Variants in MRC1 observed in about 807,000 individuals in gnomAD.
MRC1 encodes macrophage mannose receptor 1.
MRC1 carries 62 observed loss-of-function variants against 102.9 expected under a neutral mutation model. The ratio of observed to expected loss-of-function variants is 0.60; its 90% CI spans 0.49 to 0.74. MRC1 has a LOEUF of 0.74. Ranked by LOEUF, MRC1 falls within the 30% of genes least tolerant of loss-of-function variation. The pLI, the probability that MRC1 is intolerant of heterozygous loss-of-function variation, is 0.00. For missense variants in MRC1, 1,237 were observed against 862.8 expected (o/e 1.43, Z -5.43); for synonymous variants, 457 against 298.4 (o/e 1.53, Z -5.48).
chr10:17,829,323 C>G (rs1478082686), intron 3 of MRC1, among the ~76,000 whole-genome samples: 6 of 151,506 alleles, frequency 4.0e-5, no homozygotes, highest in Non-Finnish European at 8.8e-5. Context: ...ACTTATTTAT[C>G]TCTCTGGATT....
rs879206058 is a variant in MRC1 at position 17,884,606 on chromosome 10, C to A, written c.2981-663C>A. Among the ~76,000 whole-genome samples, 417 of 152,212 alleles carry A rather than the reference C, an allele frequency of 2.7e-3. 1 individual carries two copies. The highest frequency in any genetic ancestry group is 5.0e-3 in the Non-Finnish European group (342 of 68,004). On this transcript the variant is annotated intron_variant, in intron 21 of 29. Coordinates refer to ENST00000569591, the MANE Select transcript of MRC1 (RefSeq NM_002438.4). ...CACATGGTGGCAGGAGAGAGAAGTG[C>A]AAAGCAAAGCATTAAAAGATAAAAC...
intron 11 of MRC1, among the ~76,000 whole-genome samples, chr10:17,864,686 AAGTGC>A (rs1833236363): frequency 6.6e-6 from 1 of 151,900 alleles, no homozygotes; most frequent in Non-Finnish European, 1.5e-5. Flanking sequence ...AAAATTAGCC[AAGTGC>A]AGTGGTGCGT....
intron 22 of MRC1, among the ~76,000 whole-genome samples, chr10:17,888,406 C>T (rs1833629713): frequency 6.6e-6 from 1 of 152,114 alleles, no homozygotes. Context: ...GGCTGTGATT[C>T]ACTGTAGCTC....
intron 26 of MRC1, among the ~76,000 whole-genome samples, chr10:17,904,280 C>A (rs1833868839): frequency 6.6e-6 from 1 of 152,096 alleles, no homozygotes; most frequent in Admixed American, 6.5e-5. Context: ...CCTTTTATTT[C>A]CACTGGAAGT....
chr10:17,870,730 A>C, intron 13 of MRC1, 118 bp from the exon 14 acceptor site: 1 of 783,208 alleles, frequency 1.3e-6, no homozygotes, highest in Non-Finnish European at 2.4e-6. Context: ...AAATCTCTTT[A>C]CTTGTGTACT....
At chr10:17,902,159 C>A (rs1343194472) in intron 26 of MRC1, 37 bp downstream of exon 26, 6 of 770,724 alleles carry the variant, frequency 7.8e-6, no homozygotes, top group Non-Finnish European at 1.2e-5. Flanking sequence ...ACTCCATAAT[C>A]ATCTATTCTG....
intron 3 of MRC1, among the ~76,000 whole-genome samples, chr10:17,832,832 G>A (rs990867321): frequency 6.6e-6 from 1 of 151,868 alleles, no homozygotes; most frequent in African/African-American, 2.4e-5. Context: ...CTTGTGATCC[G>A]CCAGCCTCGG....
Position 17,855,982 on chromosome 10 carries a change from A to G in MRC1, c.1408-260A>G, listed in dbSNP as rs926305417. Reference sequence around the variant, plus strand: ...TCAGGAGTTCAAGACCAGCCTGGCCAACATGGTGAAACCCCATCTCTACTA... The same window carrying G: ...TCAGGAGTTCAAGACCAGCCTGGCCGACATGGTGAAACCCCATCTCTACTA... On this transcript the variant is annotated intron_variant, in intron 8 of 29. Coordinates refer to ENST00000569591, the MANE Select transcript of MRC1 (RefSeq NM_002438.4). 1.2e-3 allele frequency among the ~76,000 whole-genome samples: 185 copies of G among 152,128 alleles called. 1 individual carries two copies. The highest frequency in any genetic ancestry group is 4.2e-3 in the African/African-American group (175 of 41,506).
chr10:17,812,151 C>T (rs1838232887), intron 1 of MRC1, among the ~76,000 whole-genome samples: 1 of 152,184 alleles, frequency 6.6e-6, no homozygotes, highest in Non-Finnish European at 1.5e-5. Context: ...GGGCTGCTGC[C>T]AACGGATGGG....
chr10:17,822,810 C>T (rs1379185351), intron 1 of MRC1, among the ~76,000 whole-genome samples: 1 of 152,170 alleles, frequency 6.6e-6, no homozygotes, highest in Non-Finnish European at 1.5e-5. Context: ...AGACTCCTCA[C>T]AGTGAACTAG....
At chr10:17,839,947 T>TCC (rs1838725499) in intron 4 of MRC1, among the ~76,000 whole-genome samples, 1 of 150,390 alleles carries the variant, frequency 6.6e-6, no homozygotes, top group South Asian at 2.1e-4. Context: ...TCACCTGTAA[T>TCC]CCCAGCTACT....
At chr10:17,885,686 C>A (rs1554842702) in intron 22 of MRC1, among the ~76,000 whole-genome samples, 1 of 152,116 alleles carries the variant, frequency 6.6e-6, no homozygotes, top group Non-Finnish European at 1.5e-5. Flanking sequence ...GCCTAACTTG[C>A]AGTCAAAAGA....
intron 14 of MRC1, among the ~76,000 whole-genome samples, chr10:17,871,176 T>C (rs1292409386): frequency 6.6e-6 from 1 of 152,190 alleles, no homozygotes; most frequent in Non-Finnish European, 1.5e-5. Context: ...TTCGTCAGAC[T>C]TCTCCATTTC....
chr10:17,833,956 G>A (rs1253142635), intron 4 of MRC1, 117 bp downstream of exon 4: 6 of 667,842 alleles, frequency 9.0e-6, no homozygotes, highest in Middle Eastern at 3.0e-4. Flanking sequence ...TTCTTAAGCA[G>A]TTTATGTGGA....
chr10:17,898,119 A>C lies in MRC1; in HGVS notation c.3336A>C (p.Gln1112His), dbSNP rs1833780229. 1.3e-6 allele frequency: 1 copy of C among 780,770 alleles called. No homozygotes were observed. The highest frequency in any genetic ancestry group is 1.7e-5 in the African/African-American group (1 of 59,144). The allele number at this position is 780,770 out of a possible 1,614,324, so 48.4% of individuals were successfully genotyped here. The stretch of plus-strand genomic sequence containing the variant: ...AAAGCAGCTATTCACTCATGAGACA[A>C]AAATTTCAATGGCATGAAGCGGAGA... ...YGKSSYSLMR[Q>H]KFQWHEAETY... Residue 1112 changes from glutamine (Q) to histidine (H), a missense_variant, in exon 24 of 30, where the codon CAA (glutamine) becomes CAC (histidine). Transcript: ENST00000569591.
At chr10:17,879,939 A>AG (rs1451563808) in intron 19 of MRC1, 118 bp downstream of exon 19, 1 of 761,850 alleles carries the variant, frequency 1.3e-6, no homozygotes, top group African/African-American at 1.7e-5. Context: ...GAGAGAATAA[A>AG]GGAGAATTCT....
intron 23 of MRC1, 94 bp downstream of exon 23, chr10:17,894,406 T>TTTCTTTTTTTTTTTC: frequency 1.5e-6 from 1 of 688,884 alleles, no homozygotes; most frequent in Non-Finnish European, 2.5e-6. Context: ...TTTTTTTTTT[T>TTTCTTTTTTTTTTTC]TTTTTTTTTT....
rs781811619 is a variant in MRC1, at chr10:17,866,704, C to T, written c.1926C>T (p.Pro642=). The part of the protein sequence containing the change: ...VTHPPKPTTT[P]EPKCPEDWGA... ...ACCCACCGAAGCCCACGACGACTCC[C>T]GAACCCAAATGTCCGGAGGATTGGG... Residue 642 remains proline, a synonymous_variant, in exon 12 of 30, where the codon CCC becomes CCT. Transcript: ENST00000569591. The T allele has an allele frequency of 7.0e-5, 55 of 780,690 alleles. No homozygotes were observed. The highest frequency in any genetic ancestry group is 9.8e-5 in the Non-Finnish European group (41 of 417,958). 48.4% of individuals were successfully genotyped at this position (780,690 alleles called of 1,614,324 possible).
chr10:17,843,809 G>T (rs1273381797), intron 5 of MRC1, among the ~76,000 whole-genome samples: 2 of 152,100 alleles, frequency 1.3e-5, no homozygotes, highest in Non-Finnish European at 2.9e-5. Context: ...GTTATTACCT[G>T]CTCCAGACTT....
Sources: allele counts gnomAD v4.1 joint callset (sites outside exome capture counted in the v4.1 genomes callset), GRCh38; gene constraint gnomAD v4.1.1; transcripts MANE v1.5; gene names NCBI Gene and HGNC (gene_info 2026-07-23, HGNC 2026-07-21).